Variants in QSOX1 observed in about 807,000 individuals in gnomAD.
QSOX1 encodes the protein quiescin sulfhydryl oxidase 1, also known as sulfhydryl oxidase 1.
In QSOX1, 40 loss-of-function variants were observed where a neutral mutation model predicts 76.1. The observed-to-expected ratio is 0.53, with a 90% CI of 0.41 to 0.68. The LOEUF is 0.68. Among genes scored for constraint, QSOX1 ranks in the 30% least tolerant of loss-of-function variants. The pLI is 0.00. For missense variants in QSOX1, 931 were observed against 974.3 expected (o/e 0.96, Z 0.59); for synonymous variants, 392 against 413.1 (o/e 0.95, Z 0.62).
At chr1:180,191,231 C>T (rs1663303121) in intron 10 of QSOX1, among the ~76,000 whole-genome samples, 4 of 152,140 alleles carry the variant, frequency 2.6e-5, no homozygotes, top group Admixed American at 1.3e-4. Context: ...GTGAAAAGGG[C>T]GACAGTGCCC....
intron 11 of QSOX1, among the ~76,000 whole-genome samples, chr1:180,195,497 C>G (rs915940225): frequency 1.3e-5 from 2 of 152,174 alleles, no homozygotes; most frequent in African/African-American, 2.4e-5. Flanking sequence ...AGAAGTGCTT[C>G]TACAGAAGGG....
chr1:180,197,435 G>T lies in QSOX1; in HGVS notation c.*398G>T. On this transcript the variant is annotated 3_prime_UTR_variant, in exon 12 of 12. Transcript: ENST00000367602. ...GAAGCCAGAGGAGGGTCCCCCAGCT[G>T]GGTGGGCTGGAATGGAACTCCTCAC... 1 of 1,576,014 alleles carries T rather than the reference G, an allele frequency of 6.3e-7. No homozygotes were observed. The highest frequency in any genetic ancestry group is 8.7e-7 in the Non-Finnish European group (1 of 1,149,434).
At chr1:180,162,184 T>A (rs1014172306) in intron 1 of QSOX1, among the ~76,000 whole-genome samples, 1 of 152,248 alleles carries the variant, frequency 6.6e-6, no homozygotes, top group African/African-American at 2.4e-5. Context: ...ATTTTGGGGA[T>A]ACACCTTAAT....
chr1:180,190,467 G>T lies in QSOX1; in HGVS notation c.1175G>T (p.Gly392Val), dbSNP rs1286588231. 1 of 1,613,884 alleles carries T rather than the reference G, an allele frequency of 6.2e-7. No homozygotes were observed. The highest frequency in any genetic ancestry group is 1.3e-5 in the African/African-American group (1 of 74,926). Residue 392 changes from glycine (G) to valine (V), a missense_variant, in exon 10 of 12, where the codon GGC (glycine) becomes GTC (valine). Gly to Val is a moderately radical substitution (Grantham distance 109). Transcript: ENST00000367602. The stretch of plus-strand genomic sequence containing the variant: ...CTTGCCAAGAAGGTGAACTGGATTG[G>T]CTGCCAGGGGAGTGAGCCGCATTTC... ...AVLAKKVNWI[G>V]CQGSEPHFRG...
At chr1:180,182,817 A>G (rs1469965405) in intron 6 of QSOX1, among the ~76,000 whole-genome samples, 2 of 152,306 alleles carry the variant, frequency 1.3e-5, no homozygotes, top group African/African-American at 2.4e-5. Flanking sequence ...TGGCCCGTTA[A>G]TGGCACCAGA....
At chr1:180,155,390 T>G (rs1572034739) in intron 1 of QSOX1, among the ~76,000 whole-genome samples, 1 of 152,092 alleles carries the variant, frequency 6.6e-6, no homozygotes, top group East Asian at 1.9e-4. Context: ...ATCCCGAGCT[T>G]CTTTCCCTCT....
intron 11 of QSOX1, among the ~76,000 whole-genome samples, chr1:180,194,996 CG>C (rs139041586): frequency 2.2e-5 from 3 of 136,064 alleles, no homozygotes; most frequent in African/African-American, 9.1e-5. Context: ...GACAGCCTCC[CG>C]GGGGGGGGAG....
intron 2 of QSOX1, among the ~76,000 whole-genome samples, chr1:180,168,022 A>C (rs1405139616): frequency 1.3e-5 from 2 of 152,238 alleles, no homozygotes; most frequent in African/African-American, 4.8e-5. Context: ...GCCACTGCCC[A>C]GCCCCCAGGG....
At chr1:180,194,084 C>T in intron 10 of QSOX1, 129 bp from the exon 11 acceptor site, 2 of 745,628 alleles carry the variant, frequency 2.7e-6, no homozygotes, top group Non-Finnish European at 4.3e-6. Flanking sequence ...CTGGCATAGG[C>T]TGGGGTGTGT....
At chr1:180,156,328 C>G (rs1352817752) in intron 1 of QSOX1, among the ~76,000 whole-genome samples, 2 of 152,186 alleles carry the variant, frequency 1.3e-5, no homozygotes, top group African/African-American at 4.8e-5. Context: ...CTTCCTGACT[C>G]TGGTGCTAGG....
chr1:180,197,034 C>T lies in QSOX1; in HGVS notation c.2241C>T (p.Ala747=), dbSNP rs1399193595. The T allele has an allele frequency of 1.2e-6, 2 of 1,605,688 alleles. No homozygotes were observed. The highest frequency in any genetic ancestry group is 1.7e-6 in the Non-Finnish European group (2 of 1,176,048). Residue 747 remains alanine (A), a synonymous_variant, in exon 12 of 12, where the codon GCC becomes GCT. Coordinates refer to ENST00000367602, the MANE Select transcript of QSOX1 (RefSeq NM_002826.5). ...ALKGHAGHPA[A] ...AGGGCCATGCTGGCCACCCTGCAGC[C>T]TGAACCACCTGGGGAGGAGGCGGGA...
chr1:180,162,476 C>T (rs549911462), intron 1 of QSOX1, among the ~76,000 whole-genome samples: 4 of 151,734 alleles, frequency 2.6e-5, no homozygotes, highest in Non-Finnish European at 5.9e-5. Context: ...TGGCTCATGA[C>T]GGTAATCCCA....
chr1:180,183,957 G>T lies in QSOX1; in HGVS notation c.794G>T (p.Arg265Ile), dbSNP rs752910472. The T allele has an allele frequency of 6.2e-7, 1 of 1,613,684 alleles. No individual in the cohort carries two copies. The highest frequency in any genetic ancestry group is 8.5e-7 in the Non-Finnish European group (1 of 1,179,728). The change falls in exon 7 of 12, where the codon AGA becomes ATA. Residue 265 changes from arginine (R) to isoleucine (I), a missense_variant. Physicochemically the swap from Arg to Ile is moderately conservative, Grantham distance 97. Coordinates refer to ENST00000367602, the MANE Select transcript of QSOX1 (RefSeq NM_002826.5). ...SRSFYTAYLQ[R>I]LSGLTREAAQ... ...TCCTTCTATACCGCTTACCTGCAGAGACTCTCTGGGCTCACCAGGGAGGCT... is the reference window on the plus strand; with the variant it reads ...TCCTTCTATACCGCTTACCTGCAGATACTCTCTGGGCTCACCAGGGAGGCT...
chr1:180,166,379 T>C, intron 1 of QSOX1, 112 bp from the exon 2 acceptor site: 1 of 783,440 alleles, frequency 1.3e-6, no homozygotes, highest in Non-Finnish European at 2.2e-6. Context: ...ATAAGAGCTT[T>C]GGGATCAGGT....
At position 180,182,246 on chromosome 1, in the gene QSOX1, A is replaced by G; in HGVS notation, c.679A>G (p.Arg227Gly). The change falls in exon 6 of 12, where the codon AGA (arginine) becomes GGA (glycine). Residue 227 changes from arginine (R) to glycine (G), a missense_variant. By Grantham distance (125) the Arg-to-Gly change is moderately radical. Coordinates refer to ENST00000367602, the MANE Select transcript of QSOX1 (RefSeq NM_002826.5). ...GCTGAACACAGAGGCCAATGTGGTGAGAAAGTTTGGTGTCACCGACTTCCC... is the reference window on the plus strand; with the variant it reads ...GCTGAACACAGAGGCCAATGTGGTGGGAAAGTTTGGTGTCACCGACTTCCC... The part of the protein sequence containing the change: ...RVLNTEANVV[R>G]KFGVTDFPSC... The G allele has an allele frequency of 6.2e-7, 1 of 1,614,196 alleles. No individual in the cohort carries two copies. The highest frequency in any genetic ancestry group is 1.3e-5 in the African/African-American group (1 of 75,042).
At chr1:180,166,440 A>G in intron 1 of QSOX1, 51 bp from the exon 2 acceptor site, 1 of 1,466,732 alleles carries the variant, frequency 6.8e-7, no homozygotes, top group Non-Finnish European at 9.5e-7. Context: ...ATGGGCGGGC[A>G]GAGGGGGTAC....
intron 6 of QSOX1, among the ~76,000 whole-genome samples, chr1:180,183,061 G>T (rs1019668491): frequency 6.6e-6 from 1 of 152,162 alleles, no homozygotes; most frequent in African/African-American, 2.4e-5. Flanking sequence ...GGAGGCACTC[G>T]CTTTCCGGGC....
At chr1:180,169,487 C>T (rs754802995) in intron 2 of QSOX1, among the ~76,000 whole-genome samples, 4 of 152,216 alleles carry the variant, frequency 2.6e-5, no homozygotes, top group Non-Finnish European at 4.4e-5. Context: ...GTGCCCCAGC[C>T]GTGGGCCCCA....
Position 180,196,435 on chromosome 1 carries a change from G to A in QSOX1, c.1642G>A (p.Gly548Arg). 6.2e-7 allele frequency: 1 copy of A among 1,614,166 alleles called. No individual in the cohort carries two copies. The change falls in exon 12 of 12, where the codon GGG becomes AGG. Residue 548 changes from glycine to arginine, a missense_variant. By Grantham distance (125) the Gly-to-Arg change is moderately radical. Transcript: ENST00000367602. The surrounding 1 kb of genome is among the most constrained non-coding windows in gnomAD (Gnocchi z 4.1). ...SNIILDFPAA[G>R]SAARRDVQNV... ...CATCATCCTGGACTTCCCTGCAGCT[G>A]GGTCAGCTGCCCGGAGGGATGTGCA...
Sources: gnomAD v4.1 joint callset for allele counts (sites outside exome capture counted in the v4.1 genomes callset) on GRCh38, gnomAD v4.1.1 for gene constraint, Gnocchi (gnomAD v3.1) non-coding constraint, MANE v1.5 for transcripts, NCBI Gene and HGNC (gene_info 2026-07-23, HGNC 2026-07-21) for gene names.